SKAP1: variants seen among roughly 807,000 people sequenced by gnomAD.
The protein encoded by SKAP1 is src kinase-associated phosphoprotein 1.
Under a neutral mutation model 58.5 loss-of-function variants are expected in SKAP1, and 44 were observed. That is an observed-to-expected ratio of 0.75 (90% CI 0.59 to 0.97). The LOEUF (loss-of-function observed/expected upper bound fraction) is 0.97. Ranked by LOEUF, SKAP1 falls within the 50% of genes least tolerant of loss-of-function variation. The probability of loss-of-function intolerance (pLI) is 0.00; values close to 1 mark genes in which losing one functional copy is unlikely to be tolerated. For missense variants in SKAP1, 390 were observed against 435.2 expected (o/e 0.90, Z 0.92); for synonymous variants, 127 against 149.7 (o/e 0.85, Z 1.11).
chr17:48,314,159 A>G (rs1420243818), intron 4 of SKAP1, among the ~76,000 whole-genome samples: 1 of 152,248 alleles, frequency 6.6e-6, no homozygotes, highest in Non-Finnish European at 1.5e-5. Flanking sequence ...AGCAAAGAGT[A>G]AACAAAGAAG....
chr17:48,237,853 C>T (rs2143809876), intron 4 of SKAP1, among the ~76,000 whole-genome samples: 1 of 151,512 alleles, frequency 6.6e-6, no homozygotes, highest in African/African-American at 2.4e-5. Context: ...TGGAATAATT[C>T]CTAAGATTTT....
At chr17:48,146,697 C>T (rs576479106) in intron 11 of SKAP1, among the ~76,000 whole-genome samples, 2 of 151,804 alleles carry the variant, frequency 1.3e-5, no homozygotes, top group South Asian at 2.1e-4. Context: ...GGCACGATCT[C>T]GGCTCACTGC....
At chr17:48,225,488 T>C (rs1299188040) in intron 4 of SKAP1, among the ~76,000 whole-genome samples, 2 of 152,214 alleles carry the variant, frequency 1.3e-5, no homozygotes, top group African/African-American at 2.4e-5. Context: ...TTGCACTCTT[T>C]GGGAGAAAAG....
chr17:48,405,445 CTTTCTTTTCTTTCTT>C (rs2067565841), intron 1 of SKAP1, among the ~76,000 whole-genome samples: 1 of 65,774 alleles, frequency 1.5e-5, no homozygotes, highest in African/African-American at 6.0e-5. Flanking sequence ...TTCTTTCTTT[CTTTCTTTTCTTTCTT>C]TCTTTCCTTC....
intron 5 of SKAP1, among the ~76,000 whole-genome samples, chr17:48,188,401 T>G (rs2064487938): frequency 6.6e-6 from 1 of 152,156 alleles, no homozygotes; most frequent in African/African-American, 2.4e-5. Flanking sequence ...AGAGTTGGGT[T>G]TGAAGGCAGA....
chr17:48,227,485 T>C (rs1169798882), intron 4 of SKAP1, among the ~76,000 whole-genome samples: 1 of 152,228 alleles, frequency 6.6e-6, no homozygotes, highest in Non-Finnish European at 1.5e-5. Context: ...AAAAATGTTT[T>C]AAAACCTAAA....
upstream of SKAP1, chr17:48,430,263 G>A (rs1051911292): frequency 5.7e-6 from 3 of 527,574 alleles, no homozygotes; most frequent in African/African-American, 4.0e-5. Flanking sequence ...GGGCGGGGCC[G>A]TGGGTCCCCG....
At chr17:48,407,732 T>C (rs757758684) in intron 1 of SKAP1, among the ~76,000 whole-genome samples, 3 of 152,032 alleles carry the variant, frequency 2.0e-5, no homozygotes, top group Non-Finnish European at 4.4e-5. Flanking sequence ...CGCATGTCTG[T>C]AGTCCCAGCT....
chr17:48,434,064 G>C (rs1009991697), upstream of SKAP1, among the ~76,000 whole-genome samples: 1 of 152,222 alleles, frequency 6.6e-6, no homozygotes, highest in Non-Finnish European at 1.5e-5. Flanking sequence ...TTCTGAGCTG[G>C]TTATTGATCC....
intron 9 of SKAP1, among the ~76,000 whole-genome samples, chr17:48,177,321 C>G (rs1489434941): frequency 1.3e-5 from 2 of 152,202 alleles, no homozygotes; most frequent in Non-Finnish European, 2.9e-5. Flanking sequence ...TAACAGCCAG[C>G]ATTTACTGAG....
intron 1 of SKAP1, among the ~76,000 whole-genome samples, chr17:48,420,705 T>C (rs1482602639): frequency 1.3e-5 from 2 of 152,182 alleles, no homozygotes; most frequent in Admixed American, 6.5e-5. Context: ...TCTATACTCA[T>C]AGGGACTTCA....
chr17:48,240,587 C>A (rs2065234883), intron 4 of SKAP1, among the ~76,000 whole-genome samples: 2 of 152,170 alleles, frequency 1.3e-5, no homozygotes, highest in Admixed American at 6.5e-5. Context: ...TCAGCAGCCT[C>A]AAAAACCTGA....
intron 4 of SKAP1, among the ~76,000 whole-genome samples, chr17:48,221,056 C>T (rs1226246371): frequency 6.6e-6 from 1 of 151,942 alleles, no homozygotes; most frequent in Non-Finnish European, 1.5e-5. Flanking sequence ...ATAACGAGGT[C>T]AGGACTTCCA....
chr17:48,372,667 G>A (rs571275322), intron 2 of SKAP1, among the ~76,000 whole-genome samples: 1 of 151,976 alleles, frequency 6.6e-6, no homozygotes, highest in South Asian at 2.1e-4. Context: ...TTAAGACAAG[G>A]TTGCATTCTG....
chr17:48,239,157 G>C (rs768242195), intron 4 of SKAP1, among the ~76,000 whole-genome samples: 2 of 152,134 alleles, frequency 1.3e-5, no homozygotes, highest in African/African-American at 2.4e-5. Context: ...GCTTCCTGAA[G>C]ACAGAAATGA....
chr17:48,304,524 T>C (rs558385467), intron 4 of SKAP1, among the ~76,000 whole-genome samples: 1 of 152,326 alleles, frequency 6.6e-6, no homozygotes, highest in African/African-American at 2.4e-5. Context: ...AAATTAGAGC[T>C]AATGGGCTTC....
At chr17:48,325,953 TA>T (rs1171508261) in intron 4 of SKAP1, among the ~76,000 whole-genome samples, 1 of 152,246 alleles carries the variant, frequency 6.6e-6, no homozygotes, top group Admixed American at 6.5e-5. Context: ...GCTTTCATTT[TA>T]AAGGGAAAAC....
Position 48,294,713 on chromosome 17 carries a change from T to C in SKAP1, c.280+51192A>G, listed in dbSNP as rs573689559. Among the ~76,000 whole-genome samples the C allele has an allele frequency of 3.3e-4, 50 of 152,310 alleles. 2 individuals are homozygous for C. The South Asian group carries it at 8.1e-3, about 25-fold the overall frequency. ...TACATAGTACATGACCTATATAGTA[T>C]AGTCTTCAAGTTCCCAAGACATCAA... On this transcript the variant is annotated intron_variant, in intron 4 of 12. Coordinates refer to ENST00000336915, the MANE Select transcript of SKAP1 (RefSeq NM_003726.4).
At chr17:48,198,551 A>G (rs2064678079) in intron 4 of SKAP1, among the ~76,000 whole-genome samples, 1 of 152,062 alleles carries the variant, frequency 6.6e-6, no homozygotes, top group Non-Finnish European at 1.5e-5. Context: ...GGGAGAAGTC[A>G]ATCAAAAATA....
Sources: allele counts gnomAD v4.1 joint callset (sites outside exome capture counted in the v4.1 genomes callset), GRCh38; gene constraint gnomAD v4.1.1; transcripts MANE v1.5; gene names NCBI Gene and HGNC (gene_info 2026-07-23, HGNC 2026-07-21).